Variants in CALU observed in about 807,000 individuals in gnomAD.
CALU encodes IEF SSP 9302.
CALU carries 13 observed loss-of-function variants against 37.5 expected under a neutral mutation model. The ratio of observed to expected loss-of-function variants is 0.35; its 90% confidence interval spans 0.23 to 0.55. The LOEUF is 0.55. Among genes scored for constraint, CALU ranks in the 20% least tolerant of loss-of-function variants. The pLI is 0.89. For synonymous variants in CALU, 114 were observed against 133.8 expected (o/e 0.85, Z 1.02); for missense variants, 282 against 391.7 (o/e 0.72, Z 2.36).
At chr7:128,742,077 A>G (rs1301779013) in intron 1 of CALU, among the ~76,000 whole-genome samples, 2 of 152,224 alleles carry the variant, frequency 1.3e-5, no homozygotes, top group South Asian at 2.1e-4. Flanking sequence ...ATGTAACTTC[A>G]TCACTAGAGA....
chr7:128,746,872 C>T (rs1321835318), intron 1 of CALU, among the ~76,000 whole-genome samples: 2 of 151,208 alleles, frequency 1.3e-5, no homozygotes, highest in Non-Finnish European at 2.9e-5. Flanking sequence ...GGGTTCACGC[C>T]ATTCTCCTGC....
intron 2 of CALU, among the ~76,000 whole-genome samples, chr7:128,754,005 A>G (rs1245334810): frequency 6.6e-6 from 1 of 152,228 alleles, no homozygotes; most frequent in Non-Finnish European, 1.5e-5. Context: ...AATTCTAACC[A>G]TAGGCTGAAA....
chr7:128,765,940 A>C (rs192657639), intron 5 of CALU, among the ~76,000 whole-genome samples: 55 of 152,252 alleles, frequency 3.6e-4, no homozygotes, highest in Admixed American at 8.5e-4. Flanking sequence ...AAATCATGTA[A>C]TCTATCATCA....
At chr7:128,743,546 G>T (rs962233017) in intron 1 of CALU, among the ~76,000 whole-genome samples, 6 of 150,886 alleles carry the variant, frequency 4.0e-5, no homozygotes, top group Non-Finnish European at 5.9e-5. Flanking sequence ...TTTTGAGACA[G>T]GGTCTTGTTC....
In CALU at chr7:128,772,786, G is replaced by A; in HGVS notation, c.*3619G>A. On this transcript the variant is annotated 3_prime_UTR_variant, in exon 7 of 7. Transcript: ENST00000249364. ...ACCCAGAATGCCCTTAGGTGGTTTTGAATCTATCTTCCCCATCCTGAAAAC... is the reference window on the plus strand; with the variant it reads ...ACCCAGAATGCCCTTAGGTGGTTTTAAATCTATCTTCCCCATCCTGAAAAC... 1 of 1,241,210 alleles carries A rather than the reference G, an allele frequency of 8.1e-7. No individual in the cohort carries two copies. The highest frequency in any genetic ancestry group is 1.2e-6 in the Non-Finnish European group (1 of 858,418). 76.9% of individuals were successfully genotyped at this position (1,241,210 alleles called of 1,614,324 possible).
chr7:128,756,306 T>C (rs1800881710), intron 3 of CALU, among the ~76,000 whole-genome samples: 1 of 152,238 alleles, frequency 6.6e-6, no homozygotes, highest in Non-Finnish European at 1.5e-5. Flanking sequence ...TGTATGATTA[T>C]GTGCATAAAA....
At chr7:128,762,851 G>A (rs1264134941) in intron 5 of CALU, among the ~76,000 whole-genome samples, 2 of 152,028 alleles carry the variant, frequency 1.3e-5, no homozygotes, top group Non-Finnish European at 2.9e-5. Context: ...ATTTTTAATA[G>A]AGGCGGGGTT....
chr7:128,762,571 G>A lies in CALU; in HGVS notation c.643+2719G>A, dbSNP rs541750780. ...CCCATCAGTGCCTGTGGAAACATAG[G>A]GAAAGAAAAAAAAAAACACCCAAAG... On this transcript the variant is annotated intron_variant, in intron 5 of 6. Coordinates refer to ENST00000249364, the MANE Select transcript of CALU (RefSeq NM_001219.5). 3.1e-4 allele frequency among the ~76,000 whole-genome samples: 46 copies of A among 149,426 alleles called. No homozygotes were observed. The South Asian group carries it at 5.9e-3, about 19-fold the overall frequency.
intron 6 of CALU, 112 bp downstream of exon 6, chr7:128,767,767 A>G: frequency 1.2e-6 from 1 of 804,198 alleles, no homozygotes; most frequent in South Asian, 1.6e-5. Context: ...TAATTAGTCT[A>G]AGTCAGCCAA....
intron 5 of CALU, among the ~76,000 whole-genome samples, chr7:128,766,124 A>C (rs1001203082): frequency 4.6e-5 from 7 of 151,804 alleles, no homozygotes; most frequent in Non-Finnish European, 8.8e-5. Flanking sequence ...CGCCCGGCTA[A>C]TTTTATTTTT....
rs755815438 is a variant in CALU at position 128,772,829 on chromosome 7, A to G, written c.*3662A>G. 2.0e-5 allele frequency among the ~76,000 whole-genome samples: 3 copies of G among 152,200 alleles called. No homozygotes were observed. Among genetic ancestry groups the G allele is most frequent in the Admixed American group, 1.3e-4 (2 of 15,278 alleles). On this transcript the variant is annotated 3_prime_UTR_variant, in exon 7 of 7. Coordinates refer to ENST00000249364, the MANE Select transcript of CALU (RefSeq NM_001219.5). ...CTGAAAACTATCTAGATTCCAGTCT[A>G]GAACTACTCCTGGGTCTACGGTAAT...
intron 2 of CALU, among the ~76,000 whole-genome samples, chr7:128,750,375 G>A (rs1160470126): frequency 2.0e-5 from 3 of 152,116 alleles, no homozygotes; most frequent in African/African-American, 7.2e-5. Context: ...CCTTAGGTTT[G>A]GTATCATTTA....
chr7:128,764,082 T>C (rs1801228590), intron 5 of CALU, among the ~76,000 whole-genome samples: 2 of 152,330 alleles, frequency 1.3e-5, no homozygotes, highest in South Asian at 4.1e-4. Context: ...TTATGTGTTT[T>C]AAAGTTGGCA....
At chr7:128,754,764 A>G in intron 3 of CALU, 1 of 1,320,164 alleles carries the variant, frequency 7.6e-7, no homozygotes, top group South Asian at 1.4e-5. Context: ...CGTGGTCTTG[A>G]GTCAAAGAAA....
Position 128,748,704 on chromosome 7 carries a change from G to C in CALU, c.121G>C (p.Asp41His). Residue 41 changes from aspartate (D) to histidine (H), a missense_variant, in exon 2 of 7, where the codon GAT becomes CAT. Physicochemically the swap from Asp to His is moderately conservative, Grantham distance 81 (BLOSUM62 -1). Coordinates refer to ENST00000249364, the MANE Select transcript of CALU (RefSeq NM_001219.5). ...TCAGCTCAGTGACAAGGTTCACAAT[G>C]ATGCTCAGAGTTTTGATTATGACCA... The part of the protein sequence containing the change: ...EPQLSDKVHN[D>H]AQSFDYDHDA... 1 of 1,614,216 alleles carries C rather than the reference G, an allele frequency of 6.2e-7. No individual in the cohort carries two copies. Among genetic ancestry groups the C allele is most frequent in the Non-Finnish European group, 8.5e-7 (1 of 1,180,020 alleles).
intron 5 of CALU, among the ~76,000 whole-genome samples, chr7:128,762,868 T>G (rs1391424304): frequency 6.6e-6 from 1 of 152,000 alleles, no homozygotes; most frequent in East Asian, 1.9e-4. Flanking sequence ...GGTTTCACCA[T>G]GTTGGCCAGG....
chr7:128,772,069 T>G lies in CALU; in HGVS notation c.*2902T>G, dbSNP rs1314262560. ...GGGCCACTGAGTTTTTTTTGTTTTT[T>G]TTTTTGTTTTGTTTTGTTTTTTCTT... On this transcript the variant is annotated 3_prime_UTR_variant, in exon 7 of 7. Transcript: ENST00000249364. Among the ~76,000 whole-genome samples, 2 of 81,902 alleles carry G rather than the reference T, an allele frequency of 2.4e-5. No homozygotes were observed. The highest frequency in any genetic ancestry group is 7.0e-5 in the Non-Finnish European group (2 of 28,600). 53.7% of individuals were successfully genotyped at this position (81,902 alleles called of 152,430 possible). A position where few individuals can be genotyped will look rare whatever the true frequency, so the allele number is the denominator to read the frequency against.
In CALU at chr7:128,746,081, AACCTTGCTTTTTTT is replaced by A. The variant is rs1800422302; in HGVS notation, c.-11-2491_-11-2478del. On this transcript the variant is annotated intron_variant, in intron 1 of 6. Coordinates refer to ENST00000249364, the MANE Select transcript of CALU (RefSeq NM_001219.5). Reference sequence around the variant, plus strand: ...TAAATGAGATCTTGACGTTGTTTTGAACCTTGCTTTTTTTGTTCACTTGACATATCTTGGTGAAT... The same window carrying A: ...TAAATGAGATCTTGACGTTGTTTTGAGTTCACTTGACATATCTTGGTGAAT... 3.3e-5 allele frequency among the ~76,000 whole-genome samples: 5 copies of A among 151,496 alleles called. No individual in the cohort carries two copies. In the South Asian group the frequency reaches 1.0e-3, roughly 32 times the overall value.
chr7:128,754,613 G>A, intron 3 of CALU, 158 bp downstream of exon 3: 3 of 1,551,968 alleles, frequency 1.9e-6, no homozygotes, highest in Non-Finnish European at 2.6e-6. Flanking sequence ...ACGCCCAGAA[G>A]AAATACATAT....
Sources: allele counts gnomAD v4.1 joint callset (sites outside exome capture counted in the v4.1 genomes callset), GRCh38; gene constraint gnomAD v4.1.1; transcripts MANE v1.5; gene names NCBI Gene and HGNC (gene_info 2026-07-23, HGNC 2026-07-21).